The following KIF6 variants were observed in gnomAD, a reference collection of about 807,000 sequenced individuals.
The protein encoded by KIF6 is kinesin family member 6.
KIF6 carries 106 observed loss-of-function variants against 112.7 expected under a neutral mutation model. The observed-to-expected ratio is 0.94, with a 90% CI of 0.80 to 1.11. KIF6 has a LOEUF of 1.11. Ranked by LOEUF, KIF6 falls within the 50% of genes least tolerant of loss-of-function variation. KIF6 has a pLI of 0.00. For synonymous variants in KIF6, 339 were observed against 339.9 expected (o/e 1.00, Z 0.03); for missense variants, 929 against 964.0 (o/e 0.96, Z 0.48).
chr6:39,707,655 G>T (rs1789294719), intron 3 of KIF6, among the ~76,000 whole-genome samples: 1 of 152,244 alleles, frequency 6.6e-6, no homozygotes, highest in African/African-American at 2.4e-5. Flanking sequence ...ATAGAGAGAA[G>T]TGTGTCTACT....
At chr6:39,471,290 C>A (rs1774103868) in intron 13 of KIF6, among the ~76,000 whole-genome samples, 1 of 152,130 alleles carries the variant, frequency 6.6e-6, no homozygotes, top group South Asian at 2.1e-4. Flanking sequence ...TGTGCTTCCT[C>A]CTCTCTGACT....
chr6:39,399,676 C>T (rs1032206282), intron 15 of KIF6, among the ~76,000 whole-genome samples: 1 of 152,198 alleles, frequency 6.6e-6, no homozygotes, highest in African/African-American at 2.4e-5. Flanking sequence ...GCCCTGTGTC[C>T]ACTGCAGGTT....
intron 3 of KIF6, among the ~76,000 whole-genome samples, chr6:39,679,614 C>CTTT (rs55936243): frequency 5.6e-5 from 6 of 106,460 alleles, no homozygotes; most frequent in East Asian, 2.7e-4. Flanking sequence ...CTTTTCTTTT[C>CTTT]TTTTTTTTTT....
At chr6:39,382,416 G>A (rs1023342903) in intron 16 of KIF6, among the ~76,000 whole-genome samples, 9 of 152,084 alleles carry the variant, frequency 5.9e-5, no homozygotes, top group African/African-American at 2.2e-4. Flanking sequence ...GAGAACATGC[G>A]GTATATGGTT....
intron 13 of KIF6, among the ~76,000 whole-genome samples, chr6:39,529,173 G>T (rs1231048914): frequency 1.3e-5 from 2 of 152,160 alleles, no homozygotes; most frequent in Non-Finnish European, 2.9e-5. Context: ...ATGGACTAAA[G>T]AGTTAAACTT....
In KIF6 at chr6:39,720,773, G is replaced by C; in HGVS notation, c.105C>G (p.Ser35Arg). Residue 35 changes from serine (S) to arginine (R), a missense_variant, in exon 2 of 23, where the codon AGC becomes AGG. Physicochemically the swap from Ser to Arg is moderately radical, Grantham distance 110. Coordinates refer to ENST00000287152, the MANE Select transcript of KIF6 (RefSeq NM_145027.6). ...SIDEDEKLIP[S>R]LEIILPRDLA... ...AATCACGTGGTAAGATGATTTCCAAGCTAGGTATTAATTTTTCATCTTCAT... is the reference window on the plus strand; with the variant it reads ...AATCACGTGGTAAGATGATTTCCAACCTAGGTATTAATTTTTCATCTTCAT... The C allele has an allele frequency of 6.2e-7, 1 of 1,605,422 alleles. No homozygotes were observed. Among genetic ancestry groups the C allele is most frequent in the Non-Finnish European group, 8.5e-7 (1 of 1,172,284 alleles).
At chr6:39,523,920 T>C (rs1264110802) in intron 13 of KIF6, among the ~76,000 whole-genome samples, 1 of 151,802 alleles carries the variant, frequency 6.6e-6, no homozygotes, top group Non-Finnish European at 1.5e-5. Flanking sequence ...CTAGCTTGAA[T>C]TCAATGAATT....
rs979408312 is a variant in KIF6 at position 39,337,028 on chromosome 6, C to G, written c.2429-480G>C. The stretch of plus-strand genomic sequence containing the variant: ...CTTCCCTCCCTCCCTCCCTTCCTTC[C>G]TTTCTTTTCCTTCCTTCCTTTTTCT... On this transcript the variant is annotated intron_variant, in intron 22 of 22. Coordinates refer to ENST00000287152, the MANE Select transcript of KIF6 (RefSeq NM_145027.6). 3.0e-5 allele frequency among the ~76,000 whole-genome samples: 4 copies of G among 132,002 alleles called. No individual in the cohort carries two copies. The Admixed American group carries it at 3.1e-4, about 10-fold the overall frequency. The allele number at this position is 132,002 out of a possible 152,430, so 86.6% of individuals were successfully genotyped here.
chr6:39,490,247 A>G (rs990082234), intron 13 of KIF6, among the ~76,000 whole-genome samples: 1 of 152,358 alleles, frequency 6.6e-6, no homozygotes, highest in South Asian at 2.1e-4. Flanking sequence ...CTGTCTTCCA[A>G]CTAAACAGTC....
intron 13 of KIF6, among the ~76,000 whole-genome samples, chr6:39,470,136 C>A (rs1182337805): frequency 6.6e-6 from 1 of 151,852 alleles, no homozygotes; most frequent in African/African-American, 2.4e-5. Flanking sequence ...GGAGGGAGGG[C>A]CAAAGTGGAT....
At chr6:39,613,073 T>C (rs537451635) in intron 6 of KIF6, 116 bp downstream of exon 6, 6 of 770,886 alleles carry the variant, frequency 7.8e-6, no homozygotes, top group Non-Finnish European at 1.1e-5. Flanking sequence ...GACGAGATTA[T>C]TTTTAAGGTC....
intron 18 of KIF6, among the ~76,000 whole-genome samples, chr6:39,358,286 C>T (rs1187936372): frequency 1.3e-5 from 2 of 152,250 alleles, no homozygotes; most frequent in Non-Finnish European, 1.5e-5. Flanking sequence ...TTTCTTGTCA[C>T]CTCTCTTGTT....
At chr6:39,426,286 T>G (rs986678930) in intron 14 of KIF6, among the ~76,000 whole-genome samples, 1 of 152,190 alleles carries the variant, frequency 6.6e-6, no homozygotes, top group Admixed American at 6.5e-5. Flanking sequence ...GCTCACATGC[T>G]CTAGTTCACC....
chr6:39,397,325 G>A (rs1768345962), intron 15 of KIF6, among the ~76,000 whole-genome samples: 1 of 152,154 alleles, frequency 6.6e-6, no homozygotes, highest in South Asian at 2.1e-4. Context: ...TCTGTTTTCA[G>A]AGCCTGGGAT....
chr6:39,425,957 T>C (rs1770734563), intron 14 of KIF6, among the ~76,000 whole-genome samples: 1 of 152,224 alleles, frequency 6.6e-6, no homozygotes, highest in Non-Finnish European at 1.5e-5. Flanking sequence ...TTTGATTCTA[T>C]GTTAGAAGGA....
At chr6:39,704,619 A>T (rs1280977053) in intron 3 of KIF6, among the ~76,000 whole-genome samples, 1 of 144,672 alleles carries the variant, frequency 6.9e-6, no homozygotes, top group Non-Finnish European at 1.5e-5. Flanking sequence ...CTCCGTCTTT[A>T]AAAAAAAAAA....
intron 13 of KIF6, among the ~76,000 whole-genome samples, chr6:39,487,813 A>T (rs1775209361): frequency 6.6e-6 from 1 of 152,196 alleles, no homozygotes; most frequent in Non-Finnish European, 1.5e-5. Flanking sequence ...TAAAAATCCA[A>T]GCAGTAATTT....
At chr6:39,575,437 A>AT (rs774919397) in intron 10 of KIF6, among the ~76,000 whole-genome samples, 12 of 151,426 alleles carry the variant, frequency 7.9e-5, no homozygotes, top group East Asian at 1.9e-4. Flanking sequence ...CACCCGGCTA[A>AT]TTTTTTTGTA....
chr6:39,561,354 A>G (rs543546816), intron 10 of KIF6, among the ~76,000 whole-genome samples: 52 of 131,466 alleles, frequency 4.0e-4, no homozygotes, highest in Admixed American at 1.2e-3. Flanking sequence ...TTAAACTCAA[A>G]CCATTTTTTT....
Sources: allele counts gnomAD v4.1 joint callset (sites outside exome capture counted in the v4.1 genomes callset), GRCh38; gene constraint gnomAD v4.1.1; transcripts MANE v1.5; gene names NCBI Gene and HGNC (gene_info 2026-07-23, HGNC 2026-07-21).